Variants in COP1 observed in about 807,000 individuals in gnomAD.
The protein encoded by COP1 is COP1 E3 ubiquitin ligase, also known as E3 ubiquitin-protein ligase COP1.
A neutral mutation model predicts 101.3 loss-of-function variants in COP1; 24 were observed. The ratio of observed to expected loss-of-function variants is 0.24; its 90% CI spans 0.17 to 0.33. COP1 has a LOEUF of 0.33. COP1 is among the 10% of genes least tolerant of loss of function. The pLI, the probability that COP1 is intolerant of heterozygous loss-of-function variation, is 1.00. For synonymous variants in COP1, 347 were observed against 341.9 expected, an observed-to-expected ratio of 1.01 and a Z score of -0.17; for missense variants, 663 against 906.2, an observed-to-expected ratio of 0.73 and a Z score of 3.45.
At chr1:176,204,811 G>A (rs559818125) in intron 1 of COP1, among the ~76,000 whole-genome samples, 2 of 152,094 alleles carry the variant, frequency 1.3e-5, no homozygotes, top group Non-Finnish European at 2.9e-5. Flanking sequence ...TGTAATCCCA[G>A]CTACTACTCG....
chr1:175,995,874 A>G (rs148677242), intron 15 of COP1, among the ~76,000 whole-genome samples: 60,372 of 151,734 alleles, frequency 0.4, 12,223 homozygotes, highest in Admixed American at 0.44. Context: ...AGAAAAAGAG[A>G]GAATCCTCCC....
At chr1:176,027,743 T>C (rs934612721) in intron 14 of COP1, 55 bp from the exon 15 acceptor site, 6 of 1,040,872 alleles carry the variant, frequency 5.8e-6, no homozygotes, top group South Asian at 1.3e-5. Context: ...CATTAGTAAA[T>C]GCTTCTGTAA....
chr1:175,955,766 C>CCACAGACACACACACACACACA (rs1553275351), intron 18 of COP1, among the ~76,000 whole-genome samples: 1 of 129,192 alleles, frequency 7.7e-6, no homozygotes, highest in East Asian at 2.4e-4. Flanking sequence ...TAGAGACAAA[C>CCACAGACACACACACACACACA]CACACACACA....
intron 18 of COP1, among the ~76,000 whole-genome samples, chr1:175,983,168 G>C (rs1025614555): frequency 1.3e-5 from 2 of 152,010 alleles, no homozygotes; most frequent in Non-Finnish European, 2.9e-5. Flanking sequence ...TTGTCGAAAA[G>C]AAAAGAAACT....
At position 176,206,983 on chromosome 1, in the gene COP1, A is replaced by C. The variant is rs115466880; in HGVS notation, c.-5T>G. The stretch of plus-strand genomic sequence containing the variant: ...GGCCTGGCGGCTACCAGACATCGTG[A>C]CTCCCTCCCCTCCAGCCGGGCGCTC... On this transcript the variant is annotated 5_prime_UTR_variant, in exon 1 of 20. Coordinates refer to ENST00000367669, the MANE Select transcript of COP1 (RefSeq NM_022457.7). The C allele has an allele frequency of 0.022, 30,775 of 1,371,606 alleles. 1,486 individuals are homozygous for C. Among genetic ancestry groups the C allele is most frequent in the African/African-American group, 0.14 (9,057 of 65,082 alleles). The allele number at this position is 1,371,606 out of a possible 1,614,324, so 85.0% of individuals were successfully genotyped here. A position where few individuals can be genotyped will look rare whatever the true frequency, so the allele number is the denominator to read the frequency against.
chr1:176,126,603 C>G (rs1005930882), intron 8 of COP1, among the ~76,000 whole-genome samples: 1 of 152,040 alleles, frequency 6.6e-6, no homozygotes, highest in Non-Finnish European at 1.5e-5. Flanking sequence ...AATGCAGGTA[C>G]GCGCCACCAT....
intron 18 of COP1, among the ~76,000 whole-genome samples, chr1:175,977,468 A>G (rs1016780812): frequency 6.6e-6 from 1 of 152,186 alleles, no homozygotes; most frequent in Non-Finnish European, 1.5e-5. Flanking sequence ...GTTCAGCAGT[A>G]ATAACCTTTT....
intron 8 of COP1, among the ~76,000 whole-genome samples, chr1:176,121,617 T>C (rs1687132648): frequency 6.6e-6 from 1 of 152,158 alleles, no homozygotes; most frequent in African/African-American, 2.4e-5. Context: ...AGTTGCAACT[T>C]GGACATATAA....
At chr1:176,117,351 G>T (rs938872059) in intron 8 of COP1, among the ~76,000 whole-genome samples, 10 of 151,784 alleles carry the variant, frequency 6.6e-5, no homozygotes, top group Non-Finnish European at 1.3e-4. Flanking sequence ...TTTCTCCATT[G>T]GTTCTTTTTA....
At chr1:176,077,890 A>C (rs183660817) in intron 11 of COP1, among the ~76,000 whole-genome samples, 53 of 131,116 alleles carry the variant, frequency 4.0e-4, no homozygotes, top group African/African-American at 1.4e-3. Context: ...AAAAAACACA[A>C]TCTTATTTAC....
At chr1:176,073,565 T>C (rs1208897820) in intron 11 of COP1, among the ~76,000 whole-genome samples, 2 of 152,232 alleles carry the variant, frequency 1.3e-5, no homozygotes, top group Non-Finnish European at 2.9e-5. Flanking sequence ...TATGCTATTA[T>C]TGCTGTGTGT....
At chr1:175,965,568 T>A (rs1004925954) in intron 18 of COP1, among the ~76,000 whole-genome samples, 1 of 104,284 alleles carries the variant, frequency 9.6e-6, no homozygotes, top group African/African-American at 3.5e-5. Context: ...CTTATCTGGG[T>A]TTTTTTTTTG....
At chr1:175,982,562 A>G (rs1278916742) in intron 18 of COP1, among the ~76,000 whole-genome samples, 1 of 152,122 alleles carries the variant, frequency 6.6e-6, no homozygotes, top group African/African-American at 2.4e-5. Flanking sequence ...TATGTGGGTT[A>G]ATTGTTTATG....
intron 3 of COP1, among the ~76,000 whole-genome samples, chr1:176,172,761 T>C (rs1696278072): frequency 6.6e-6 from 1 of 152,220 alleles, no homozygotes; most frequent in Non-Finnish European, 1.5e-5. Flanking sequence ...AAACAAGTGA[T>C]ATTCCACTTT....
intron 18 of COP1, among the ~76,000 whole-genome samples, chr1:175,952,156 T>C (rs1016465556): frequency 6.6e-6 from 1 of 152,206 alleles, no homozygotes; most frequent in Non-Finnish European, 1.5e-5. Context: ...GCGCAGTGGC[T>C]CACGCCTGTA....
At chr1:176,078,304 A>G (rs1678444213) in intron 11 of COP1, among the ~76,000 whole-genome samples, 1 of 152,098 alleles carries the variant, frequency 6.6e-6, no homozygotes, top group African/African-American at 2.4e-5. Context: ...AACAGACATA[A>G]GACCAATGGA....
chr1:175,993,003 C>A (rs1024921054), intron 15 of COP1, among the ~76,000 whole-genome samples: 52 of 152,288 alleles, frequency 3.4e-4, no homozygotes, highest in African/African-American at 1.2e-3. Context: ...CCAGTAGGGG[C>A]AAACTGACAC....
chr1:176,059,326 A>G (rs1380845515), intron 11 of COP1, among the ~76,000 whole-genome samples: 2 of 152,230 alleles, frequency 1.3e-5, no homozygotes, highest in Admixed American at 6.5e-5. Flanking sequence ...GTGAGTCATT[A>G]AATTATTATT....
chr1:176,087,345 T>C (rs1469119573), intron 9 of COP1, among the ~76,000 whole-genome samples: 2 of 152,162 alleles, frequency 1.3e-5, no homozygotes, highest in Admixed American at 6.5e-5. Context: ...GAGAAAATTT[T>C]TGCAATCTAT....
Sources: gnomAD v4.1 joint callset for allele counts (sites outside exome capture counted in the v4.1 genomes callset) on GRCh38, gnomAD v4.1.1 for gene constraint, MANE v1.5 for transcripts, NCBI Gene and HGNC (gene_info 2026-07-23, HGNC 2026-07-21) for gene names.